CACNA1I: variants seen among roughly 807,000 people sequenced by gnomAD.
CACNA1I encodes voltage-dependent T-type calcium channel subunit alpha-1I.
In CACNA1I, 74 loss-of-function variants were observed where a neutral mutation model predicts 201.6. That is an observed-to-expected ratio of 0.37 (90% CI 0.30 to 0.45). The LOEUF (loss-of-function observed/expected upper bound fraction) is 0.45, where lower values mean the gene tolerates loss of function less well. Ranked by LOEUF, CACNA1I falls within the 20% of genes least tolerant of loss-of-function variation. The probability of loss-of-function intolerance (pLI) is 1.00; values close to 1 mark genes in which losing one functional copy is unlikely to be tolerated. For missense variants in CACNA1I, 2,346 were observed against 3,138.1 expected (o/e 0.75, Z 6.03); for synonymous variants, 1,431 against 1,345.2 (o/e 1.06, Z -1.40).
chr22:39,575,183 G>C (rs372436506), intron 1 of CACNA1I, among the ~76,000 whole-genome samples: 1 of 152,258 alleles, frequency 6.6e-6, no homozygotes, highest in Non-Finnish European at 1.5e-5. Context: ...CTTGAATCAC[G>C]GGGAGGTGGC....
At position 39,680,947 on chromosome 22, in the gene CACNA1I, G is replaced by A. The variant is rs765671846; in HGVS notation, c.5559G>A (p.Thr1853=). The change falls in exon 34 of 37, where the codon ACG becomes ACA. Residue 1853 remains threonine, a synonymous_variant. Coordinates refer to ENST00000402142, the MANE Select transcript of CACNA1I (RefSeq NM_021096.4). ...HDKQEVQLAE[T]EAFSLNSDRS... ...TCCTGCAGGTGCAGCTGGCTGAGAC[G>A]GAGGCCTTCTCCCTGAACTCAGACA... The A allele has an allele frequency of 3.7e-6, 6 of 1,610,928 alleles. No individual in the cohort carries two copies. In the East Asian group the frequency reaches 8.9e-5, roughly 24 times the overall value.
At chr22:39,635,960 G>A (rs1283437609) in intron 5 of CACNA1I, among the ~76,000 whole-genome samples, 2 of 152,056 alleles carry the variant, frequency 1.3e-5, no homozygotes, top group African/African-American at 2.4e-5. Flanking sequence ...ATCATCTCCT[G>A]TCGGTTCATC....
At chr22:39,596,554 G>T (rs1369079606) in intron 1 of CACNA1I, among the ~76,000 whole-genome samples, 1 of 151,120 alleles carries the variant, frequency 6.6e-6, no homozygotes, top group African/African-American at 2.4e-5. Context: ...GGGTATTAGG[G>T]CCCAGGGAGA....
intron 1 of CACNA1I, among the ~76,000 whole-genome samples, chr22:39,575,051 G>C (rs1334749296): frequency 6.6e-6 from 1 of 152,266 alleles, no homozygotes; most frequent in Non-Finnish European, 1.5e-5. Flanking sequence ...GGGTGGGAAA[G>C]GGCCACTCGC....
chr22:39,637,613 AC>A (rs1208686603), intron 5 of CACNA1I, among the ~76,000 whole-genome samples: 2 of 152,090 alleles, frequency 1.3e-5, no homozygotes, highest in African/African-American at 4.8e-5. Flanking sequence ...ACCAGAAACA[AC>A]CCCAAACCAT....
intron 1 of CACNA1I, among the ~76,000 whole-genome samples, chr22:39,578,014 CTGTGTGTACACTG>C (rs1222562797): frequency 1.1e-4 from 3 of 26,496 alleles, no homozygotes; most frequent in East Asian, 9.6e-4. Flanking sequence ...TGAGTGGCAG[CTGTGTGTACACTG>C]GAGCTGACGG....
Position 39,646,687 on chromosome 22 carries a change from G to A in CACNA1I, c.1268G>A (p.Ser423Asn). 6.3e-7 allele frequency: 1 copy of A among 1,588,826 alleles called. No individual in the cohort carries two copies. ...LEQRQRYLSSSTVASYAEPGD... is the reference protein window; with the variant it reads ...LEQRQRYLSSNTVASYAEPGD... Reference sequence around the variant, plus strand: ...CAGCGGCAGCGCTACCTGTCCTCCAGCACGGTGGCCAGCTACGCCGAGCCT... The same window carrying A: ...CAGCGGCAGCGCTACCTGTCCTCCAACACGGTGGCCAGCTACGCCGAGCCT... Residue 423 changes from serine (S) to asparagine (N), a missense_variant, in exon 8 of 37, where the codon AGC (serine) becomes AAC (asparagine). Physicochemically the swap from Ser to Asn is conservative, Grantham distance 46 (BLOSUM62 1). Around this residue, in one of 13 missense-constraint regions of CACNA1I, gnomAD observed 312 missense variants for 331.5 expected, o/e 0.94. Transcript: ENST00000402142.
At position 39,684,288 on chromosome 22, in the gene CACNA1I, T is replaced by C; in HGVS notation, c.5831-14T>C. The C allele has an allele frequency of 6.2e-7, 1 of 1,612,506 alleles. No homozygotes were observed. Among genetic ancestry groups the C allele is most frequent in the Non-Finnish European group, 8.5e-7 (1 of 1,179,404 alleles). ...AGCGTGCTCCCTCAGCTCTGTCTTCTCCTTTCCCAGCAGCACCCCCAAGTC... is the reference window on the plus strand; with the variant it reads ...AGCGTGCTCCCTCAGCTCTGTCTTCCCCTTTCCCAGCAGCACCCCCAAGTC... On this transcript the variant is annotated splice_polypyrimidine_tract_variant and intron_variant, in intron 35 of 36. Transcript: ENST00000402142. This position sits in a 1 kb window ranked among gnomAD's most constrained non-coding sequence, Gnocchi z 4.6.
At chr22:39,675,846 C>T (rs1358020141) in intron 29 of CACNA1I, among the ~76,000 whole-genome samples, 1 of 152,136 alleles carries the variant, frequency 6.6e-6, no homozygotes, top group Non-Finnish European at 1.5e-5. Flanking sequence ...GGGCTGTTTT[C>T]TGTGTGGCTG....
At chr22:39,589,663 T>G (rs1288247779) in intron 1 of CACNA1I, among the ~76,000 whole-genome samples, 1 of 152,142 alleles carries the variant, frequency 6.6e-6, no homozygotes, top group Non-Finnish European at 1.5e-5. Context: ...TGGATGCTTG[T>G]AGGCCTGGCC....
At chr22:39,593,913 G>C (rs991761785) in intron 1 of CACNA1I, among the ~76,000 whole-genome samples, 2 of 152,188 alleles carry the variant, frequency 1.3e-5, no homozygotes, top group Non-Finnish European at 1.5e-5. Context: ...AGTTGTGTTG[G>C]GCACACAGCA....
intron 3 of CACNA1I, among the ~76,000 whole-genome samples, chr22:39,616,809 T>A (rs568650277): frequency 4.6e-5 from 7 of 151,402 alleles, no homozygotes; most frequent in Non-Finnish European, 8.8e-5. Flanking sequence ...GAAAACACTC[T>A]TTGTCATCAA....
chr22:39,681,250 C>T (rs1248185668), intron 34 of CACNA1I, among the ~76,000 whole-genome samples, 198 bp downstream of exon 34: 1 of 152,248 alleles, frequency 6.6e-6, no homozygotes, highest in Non-Finnish European at 1.5e-5. Context: ...CACACAGCCA[C>T]AAGCCCAGCC....
intron 7 of CACNA1I, among the ~76,000 whole-genome samples, chr22:39,643,840 C>T (rs999729305): frequency 2.6e-5 from 4 of 152,258 alleles, no homozygotes; most frequent in African/African-American, 9.6e-5. Flanking sequence ...CATATTCACT[C>T]ACCAGAACAT....
At chr22:39,643,130 C>T (rs2146422098) in intron 7 of CACNA1I, among the ~76,000 whole-genome samples, 1 of 152,324 alleles carries the variant, frequency 6.6e-6, no homozygotes, top group East Asian at 1.9e-4. Context: ...TGTGTGGGCA[C>T]TTACTTCCCC....
intron 18 of CACNA1I, 134 bp from the exon 19 acceptor site, chr22:39,663,584 C>G (rs1372861568): frequency 5.6e-6 from 6 of 1,062,448 alleles, no homozygotes. Context: ...GAGTCGGCAC[C>G]TGGCCAGAGG....
chr22:39,671,041 G>A, intron 26 of CACNA1I, 87 bp downstream of exon 26: 1 of 1,284,842 alleles, frequency 7.8e-7, no homozygotes. Context: ...GGGTGGGGAA[G>A]GGGTTAGCTG....
rs1361151551 is a variant in CACNA1I at position 39,647,853 on chromosome 22, G to C, written c.1494G>C (p.Gly498=). The part of the protein sequence containing the change: ...HGKTKGQGDE[G]RHLGSRHCQT... ...AGACTAAGGGTCAGGGAGATGAAGG[G>C]AGACATCTCGGAAGCCGGCATTGCC... Residue 498 remains glycine (G), a synonymous_variant, in exon 9 of 37, where the codon GGG becomes GGC. Coordinates refer to ENST00000402142, the MANE Select transcript of CACNA1I (RefSeq NM_021096.4). 2 of 1,612,086 alleles carry C rather than the reference G, an allele frequency of 1.2e-6. No individual in the cohort carries two copies. The highest frequency in any genetic ancestry group is 1.7e-6 in the Non-Finnish European group (2 of 1,178,296).
intron 10 of CACNA1I, among the ~76,000 whole-genome samples, chr22:39,652,957 A>G (rs906168441): frequency 4.6e-5 from 7 of 152,326 alleles, no homozygotes; most frequent in African/African-American, 1.7e-4. Context: ...TGGTTCTGCT[A>G]TTGACTGGCA....
Sources: allele counts gnomAD v4.1 joint callset (sites outside exome capture counted in the v4.1 genomes callset), GRCh38; gene constraint gnomAD v4.1.1; regional missense constraint gnomAD v4.1.1; non-coding constraint Gnocchi (gnomAD v3.1); transcripts MANE v1.5; gene names NCBI Gene and HGNC (gene_info 2026-07-23, HGNC 2026-07-21).